The following SLC4A4 variants were observed in gnomAD, a reference collection of about 807,000 sequenced individuals.
SLC4A4 encodes the protein solute carrier family 4 member 4.
A neutral mutation model predicts 111.5 loss-of-function variants in SLC4A4; 27 were observed. That is an observed-to-expected ratio of 0.24 (90% CI 0.18 to 0.33). SLC4A4 has a LOEUF of 0.33. SLC4A4 is among the 10% of genes least tolerant of loss of function. The pLI is 1.00. For synonymous variants in SLC4A4, 443 were observed against 463.4 expected, an observed-to-expected ratio of 0.96 and a Z score of 0.57; for missense variants, 909 against 1,315.5, an observed-to-expected ratio of 0.69 and a Z score of 4.78.
At chr4:71,160,175 T>C (rs1744581649) in intron 2 of SLC4A4, among the ~76,000 whole-genome samples, 1 of 150,232 alleles carries the variant, frequency 6.7e-6, no homozygotes, top group Non-Finnish European at 1.5e-5. Context: ...GGTAAATGAA[T>C]GTGCCAGGAT....
chr4:71,101,470 C>A (rs1742731652), intron 2 of SLC4A4, among the ~76,000 whole-genome samples: 1 of 152,108 alleles, frequency 6.6e-6, no homozygotes, highest in African/African-American at 2.4e-5. Context: ...ATAATTACCA[C>A]CATTTACCTC....
chr4:71,548,426 G>A (rs1735719000), intron 20 of SLC4A4, among the ~76,000 whole-genome samples: 1 of 151,870 alleles, frequency 6.6e-6, no homozygotes, highest in Non-Finnish European at 1.5e-5. Flanking sequence ...CTATTAAGAA[G>A]TAAACTAAAA....
At chr4:71,554,662 A>G (rs1050847053) in intron 20 of SLC4A4, among the ~76,000 whole-genome samples, 1 of 151,788 alleles carries the variant, frequency 6.6e-6, no homozygotes, top group Non-Finnish European at 1.5e-5. Context: ...TGAAAGAGGC[A>G]TCTATATACC....
At chr4:71,108,931 A>G (rs529594149) in intron 2 of SLC4A4, among the ~76,000 whole-genome samples, 1 of 152,096 alleles carries the variant, frequency 6.6e-6, no homozygotes, top group African/African-American at 2.4e-5. Context: ...AGCATCTTTA[A>G]GACAGATATT....
At chr4:71,514,302 T>A (rs1394735263) in intron 16 of SLC4A4, among the ~76,000 whole-genome samples, 2 of 152,114 alleles carry the variant, frequency 1.3e-5, no homozygotes, top group African/African-American at 4.8e-5. Context: ...TCTGGTCATT[T>A]AAAAATGTGT....
At chr4:71,146,500 C>T (rs1176145959) in intron 2 of SLC4A4, among the ~76,000 whole-genome samples, 1 of 152,118 alleles carries the variant, frequency 6.6e-6, no homozygotes, top group Non-Finnish European at 1.5e-5. Context: ...TCCTGGATAT[C>T]CTTGTTAACT....
At chr4:71,308,742 C>T (rs1365311374) in intron 3 of SLC4A4, among the ~76,000 whole-genome samples, 1 of 152,212 alleles carries the variant, frequency 6.6e-6, no homozygotes, top group East Asian at 1.9e-4. Context: ...TGTGTGCCTA[C>T]ACCACCAGGG....
intron 2 of SLC4A4, among the ~76,000 whole-genome samples, chr4:71,167,198 G>A (rs1413790726): frequency 6.6e-6 from 1 of 152,100 alleles, no homozygotes; most frequent in Admixed American, 6.5e-5. Flanking sequence ...TTGAAGACTA[G>A]AGCTGCTAAC....
chr4:71,450,683 A>T, intron 10 of SLC4A4, 140 bp downstream of exon 10: 1 of 774,144 alleles, frequency 1.3e-6, no homozygotes, highest in Non-Finnish European at 2.2e-6. Context: ...TCTCAAATGG[A>T]TCACTTATGT....
chr4:71,405,947 A>G (rs1274620710), intron 7 of SLC4A4, among the ~76,000 whole-genome samples: 3 of 108,446 alleles, frequency 2.8e-5, no homozygotes, highest in African/African-American at 1.0e-4. Context: ...TGCAGTGGCC[A>G]TATACTTGCT....
At chr4:71,339,568 G>A in intron 4 of SLC4A4, 63 bp downstream of exon 4, 1 of 1,541,158 alleles carries the variant, frequency 6.5e-7, no homozygotes. Flanking sequence ...CAAGATGCTT[G>A]ATCCTGGAGT....
intron 3 of SLC4A4, chr4:71,301,223 A>C: frequency 4.1e-6 from 1 of 245,822 alleles, no homozygotes; most frequent in Non-Finnish European, 8.1e-6. Context: ...TGGTGTAGTT[A>C]GCAAGGGGAG....
intron 2 of SLC4A4, among the ~76,000 whole-genome samples, chr4:71,116,683 C>T (rs1478017063): frequency 6.6e-6 from 1 of 152,188 alleles, no homozygotes; most frequent in Non-Finnish European, 1.5e-5. Flanking sequence ...GTGGCTCACG[C>T]CTGTAATCCC....
At chr4:71,567,352 C>T (rs928997590) in intron 25 of SLC4A4, among the ~76,000 whole-genome samples, 2 of 151,660 alleles carry the variant, frequency 1.3e-5, no homozygotes, top group Non-Finnish European at 3.0e-5. Flanking sequence ...TCAGTATCGT[C>T]CCTGATTTAA....
chr4:71,287,729 T>C (rs368806032), intron 3 of SLC4A4, among the ~76,000 whole-genome samples: 1 of 152,212 alleles, frequency 6.6e-6, no homozygotes, highest in African/African-American at 2.4e-5. Flanking sequence ...AAATTTTGAT[T>C]CTGGTGGTTC....
rs72854466 is a variant in SLC4A4, at chr4:71,565,706, G to A, written c.3197-1298G>A. Among the ~76,000 whole-genome samples, 887 of 151,882 alleles carry A rather than the reference G, an allele frequency of 5.8e-3. 11 individuals carry two copies. The highest frequency in any genetic ancestry group is 0.02 in the African/African-American group (828 of 41,480). The stretch of plus-strand genomic sequence containing the variant: ...ACACGTGAATTCTAGAACAGAGCAG[G>A]TTTTGTTTCTTCTTCTGCAAATCTC... On this transcript the variant is annotated intron_variant, in intron 24 of 25. Transcript: ENST00000264485.
intron 16 of SLC4A4, among the ~76,000 whole-genome samples, chr4:71,527,491 T>C (rs1733520191): frequency 6.6e-6 from 1 of 151,942 alleles, no homozygotes; most frequent in Admixed American, 6.6e-5. Flanking sequence ...AGGGTGTCAG[T>C]GGTGGGGCAG....
chr4:71,188,398 A>G (rs1745588262), intron 1 of SLC4A4, among the ~76,000 whole-genome samples: 1 of 152,146 alleles, frequency 6.6e-6, no homozygotes, highest in Non-Finnish European at 1.5e-5. Context: ...TTGACACTGA[A>G]GAGCAGCGAC....
chr4:71,459,401 A>G (rs1218658532), intron 12 of SLC4A4, among the ~76,000 whole-genome samples: 1 of 152,026 alleles, frequency 6.6e-6, no homozygotes, highest in African/African-American at 2.4e-5. Context: ...CATTATTAAC[A>G]TTGTCATGAA....
Sources: allele counts gnomAD v4.1 joint callset (sites outside exome capture counted in the v4.1 genomes callset), GRCh38; gene constraint gnomAD v4.1.1; transcripts MANE v1.5; gene names NCBI Gene and HGNC (gene_info 2026-07-23, HGNC 2026-07-21).